The following SCN10A variants were observed in gnomAD, a reference collection of about 807,000 sequenced individuals.
The protein encoded by SCN10A is sodium channel protein type 10 subunit alpha.
In SCN10A, 162 loss-of-function variants were observed where a neutral mutation model predicts 170.7. The ratio of observed to expected loss-of-function variants is 0.95; its 90% CI spans 0.84 to 1.08. The LOEUF is 1.08. Among genes scored for constraint, SCN10A ranks in the 50% least tolerant of loss-of-function variants. The probability of loss-of-function intolerance (pLI) is 0.00; values close to 1 mark genes in which losing one functional copy is unlikely to be tolerated. For missense variants in SCN10A, 2,527 were observed against 2,436.9 expected (o/e 1.04, Z -0.78); for synonymous variants, 985 against 904.6 (o/e 1.09, Z -1.59).
chr3:38,751,844 G>A (rs938827623), intron 12 of SCN10A, among the ~76,000 whole-genome samples: 1 of 152,180 alleles, frequency 6.6e-6, no homozygotes, highest in Non-Finnish European at 1.5e-5. Context: ...AGAAGAGTTT[G>A]CATAGAGCCA....
chr3:38,804,802 G>A (rs1291295373), intron 1 of SCN10A, among the ~76,000 whole-genome samples: 2 of 152,072 alleles, frequency 1.3e-5, no homozygotes, highest in East Asian at 3.9e-4. Context: ...AAGTGAGAGG[G>A]GAACAATAAA....
At chr3:38,719,636 G>A (rs1472222547) in intron 20 of SCN10A, among the ~76,000 whole-genome samples, 3 of 151,398 alleles carry the variant, frequency 2.0e-5, no homozygotes, top group South Asian at 2.1e-4. Flanking sequence ...CTCATGATCC[G>A]CCCGCCTCAG....
Position 38,742,433 on chromosome 3 carries a change from T to C in SCN10A, c.1964A>G (p.Lys655Arg). The C allele has an allele frequency of 6.2e-7, 1 of 1,614,198 alleles. No individual in the cohort carries two copies. The highest frequency in any genetic ancestry group is 1.1e-5 in the South Asian group (1 of 91,082). Residue 655 changes from lysine (K) to arginine (R), a missense_variant, in exon 14 of 28, where the codon AAG becomes AGG. Physicochemically the swap from Lys to Arg is conservative, Grantham distance 26. Transcript: ENST00000449082. ...CGTCACAAGCCCAAAGAGAATTGTC[T>C]TGAGCTTCACCCACATGGGGCAGCA... is the stretch of plus-strand genomic sequence containing the variant. ...WDCCPMWVKL[K>R]TILFGLVTDP...
intron 1 of SCN10A, among the ~76,000 whole-genome samples, chr3:38,814,644 G>A: frequency 6.6e-6 from 1 of 152,038 alleles, no homozygotes; most frequent in East Asian, 1.9e-4. Flanking sequence ...ATCCTTGTAG[G>A]TATGTGCTCT....
chr3:38,726,980 C>T lies in SCN10A; in HGVS notation c.2713G>A (p.Gly905Arg), dbSNP rs375924387. Residue 905 changes from glycine (G) to arginine (R), a missense_variant, in exon 17 of 28, where the codon GGG becomes AGG. Physicochemically the swap from Gly to Arg is moderately radical, Grantham distance 125 (BLOSUM62 -2). Coordinates refer to ENST00000449082, the MANE Select transcript of SCN10A (RefSeq NM_006514.4). ...ADNLTAPEDD[G>R]EVNNLQVALA... Reference sequence around the variant, plus strand: ...GCCACCTGCAGGTTGTTCACCTCCCCATCGTCCTCCGGGGCTGTGAGGTTG... The same window carrying T: ...GCCACCTGCAGGTTGTTCACCTCCCTATCGTCCTCCGGGGCTGTGAGGTTG... 6.2e-7 allele frequency: 1 copy of T among 1,614,248 alleles called. No homozygotes were observed. The highest frequency in any genetic ancestry group is 8.5e-7 in the Non-Finnish European group (1 of 1,180,032).
chr3:38,779,470 A>G (rs2064113045), intron 4 of SCN10A, among the ~76,000 whole-genome samples: 1 of 152,034 alleles, frequency 6.6e-6, no homozygotes, highest in Admixed American at 6.6e-5. Context: ...GGTCTTGTGC[A>G]TATTTTTACA....
intron 4 of SCN10A, among the ~76,000 whole-genome samples, chr3:38,778,084 A>G (rs1479165352): frequency 6.6e-6 from 1 of 152,104 alleles, no homozygotes; most frequent in Admixed American, 6.6e-5. Context: ...AAGCACACAT[A>G]TAAAATGATA....
At chr3:38,735,105 G>A (rs985943626) in intron 15 of SCN10A, among the ~76,000 whole-genome samples, 2 of 149,516 alleles carry the variant, frequency 1.3e-5, no homozygotes, top group African/African-American at 4.9e-5. Context: ...GGGAGGTGGA[G>A]CTGGCAATGA....
chr3:38,799,631 C>G (rs1412816613), intron 1 of SCN10A, among the ~76,000 whole-genome samples: 4 of 152,104 alleles, frequency 2.6e-5, no homozygotes, highest in Non-Finnish European at 4.4e-5. Context: ...GCCTGATGCT[C>G]TACAGTTTGG....
At chr3:38,810,993 A>C (rs947835879) in intron 1 of SCN10A, among the ~76,000 whole-genome samples, 32 of 152,220 alleles carry the variant, frequency 2.1e-4, no homozygotes, top group African/African-American at 7.5e-4. Context: ...CCATTGGTTA[A>C]GAAACTTATG....
At chr3:38,737,834 C>CTT (rs1302062264) in intron 15 of SCN10A, among the ~76,000 whole-genome samples, 5 of 53,838 alleles carry the variant, frequency 9.3e-5, no homozygotes, top group Non-Finnish European at 1.3e-4. Flanking sequence ...CTTTCTTTCT[C>CTT]TTTCTTCTTT....
chr3:38,797,222 C>A (rs926679363), intron 1 of SCN10A, among the ~76,000 whole-genome samples: 3 of 151,982 alleles, frequency 2.0e-5, no homozygotes, highest in East Asian at 3.9e-4. Context: ...AATCCAATAC[C>A]TCTGTGATAT....
Position 38,794,087 on chromosome 3 carries a change from C to T in SCN10A, c.-32-45G>A, listed in dbSNP as rs540706169. 4.8e-5 allele frequency: 64 copies of T among 1,327,830 alleles called. 1 individual carries two copies. In the South Asian group the frequency reaches 6.5e-4, roughly 14 times the overall value. 82.3% of individuals were successfully genotyped at this position (1,327,830 alleles called of 1,614,324 possible). A position where few individuals can be genotyped will look rare whatever the true frequency, so the allele number is the denominator to read the frequency against. On this transcript the variant is annotated intron_variant, in intron 1 of 27. Transcript: ENST00000449082. ...CCACAGAGAGGTGACAGCTTGCCCA[C>T]TGGCCCTGTCCCTCTCATCTGTCCC...
Position 38,698,509 on chromosome 3 carries a change from G to A in SCN10A, c.4711C>T (p.Leu1571Phe), listed in dbSNP as rs1351171675. The stretch of plus-strand genomic sequence containing the variant: ...CGGGCCAGGCGGATGACTCTGAAGA[G>A]CGTTGGGGAGAAGTAACTTTGAAGT... ...KSLQSYFSPT[L>F]FRVIRLARIG... The change falls in exon 28 of 28, where the codon CTC (leucine) becomes TTC (phenylalanine). Residue 1571 changes from leucine (L) to phenylalanine (F), a missense_variant. Leu to Phe is a conservative substitution (Grantham distance 22, BLOSUM62 0). Coordinates refer to ENST00000449082, the MANE Select transcript of SCN10A (RefSeq NM_006514.4). The A allele has an allele frequency of 3.1e-6, 5 of 1,614,126 alleles. No individual in the cohort carries two copies. The highest frequency in any genetic ancestry group is 4.2e-6 in the Non-Finnish European group (5 of 1,179,984).
At chr3:38,798,162 TAAG>T (rs2064350906) in intron 1 of SCN10A, among the ~76,000 whole-genome samples, 1 of 152,144 alleles carries the variant, frequency 6.6e-6, no homozygotes, top group Non-Finnish European at 1.5e-5. Flanking sequence ...AAAAGTAACA[TAAG>T]AAGAAGAAAG....
chr3:38,745,167 T>G (rs530924737), intron 13 of SCN10A, among the ~76,000 whole-genome samples: 1 of 152,342 alleles, frequency 6.6e-6, no homozygotes, highest in East Asian at 1.9e-4. Context: ...GCCTTGACAT[T>G]GTTGAACTTG....
At chr3:38,722,720 C>T (rs181263201) in intron 19 of SCN10A, among the ~76,000 whole-genome samples, 4 of 152,258 alleles carry the variant, frequency 2.6e-5, no homozygotes, top group Admixed American at 1.3e-4. Flanking sequence ...CAAGCTACGG[C>T]GTATGAGCCT....
In SCN10A at chr3:38,797,693, G is replaced by T. The variant is rs560964905; in HGVS notation, c.-32-3651C>A. Among the ~76,000 whole-genome samples, 31 of 152,248 alleles carry T rather than the reference G, an allele frequency of 2.0e-4. 1 individual carries two copies. Among genetic ancestry groups the T allele is most frequent in the African/African-American group, 7.5e-4 (31 of 41,568 alleles). On this transcript the variant is annotated intron_variant, in intron 1 of 27. Transcript: ENST00000449082. ...GGGGAGAAGAGATACTTATAGTTTG[G>T]AACCAAATTTGAATCCCAGGACTCA...
chr3:38,770,406 C>T (rs1203260604), intron 5 of SCN10A, among the ~76,000 whole-genome samples: 3 of 152,066 alleles, frequency 2.0e-5, no homozygotes, highest in Non-Finnish European at 2.9e-5. Flanking sequence ...GACTCAGACC[C>T]TTCTTGGGTA....
Sources: allele counts gnomAD v4.1 joint callset (sites outside exome capture counted in the v4.1 genomes callset), GRCh38; gene constraint gnomAD v4.1.1; transcripts MANE v1.5; gene names NCBI Gene and HGNC (gene_info 2026-07-23, HGNC 2026-07-21).